Variants in CABIN1 observed in about 807,000 individuals in gnomAD.
CABIN1 encodes calcineurin-binding protein cabin-1.
Under a neutral mutation model 227.7 loss-of-function variants are expected in CABIN1, and 133 were observed. That is an observed-to-expected ratio of 0.58 (90% CI 0.51 to 0.67). CABIN1 has a LOEUF of 0.67. Ranked by LOEUF, CABIN1 falls within the 30% of genes least tolerant of loss-of-function variation. CABIN1 has a pLI of 0.00. For missense variants in CABIN1, 2,408 were observed against 2,852.5 expected (o/e 0.84, Z 3.55); for synonymous variants, 1,086 against 1,155.1 (o/e 0.94, Z 1.21).
intron 28 of CABIN1, among the ~76,000 whole-genome samples, chr22:24,133,753 A>C (rs533444952): frequency 6.6e-6 from 1 of 152,268 alleles, no homozygotes; most frequent in African/African-American, 2.4e-5. Context: ...GCCCCAGAGA[A>C]GGCAGAGGCA....
At chr22:24,069,021 C>G (rs568136426) in intron 16 of CABIN1, among the ~76,000 whole-genome samples, 1 of 152,192 alleles carries the variant, frequency 6.6e-6, no homozygotes, top group East Asian at 1.9e-4. Context: ...GTTTTATTCC[C>G]GCAGTGTTAA....
chr22:24,097,913 G>A (rs762816520), intron 25 of CABIN1, 101 bp from the exon 26 acceptor site: 3 of 1,468,568 alleles, frequency 2.0e-6, no homozygotes, highest in Non-Finnish European at 2.9e-6. Context: ...AGGTGCATGG[G>A]AGCAGTGGGC....
intron 24 of CABIN1, among the ~76,000 whole-genome samples, chr22:24,094,221 C>T (rs537761969): frequency 4.3e-4 from 66 of 152,344 alleles, no homozygotes; most frequent in African/African-American, 1.4e-3. Flanking sequence ...ACTGAACCTA[C>T]GTGTGGCCCT....
chr22:24,028,214 A>G (rs1201097220), intron 1 of CABIN1, among the ~76,000 whole-genome samples: 6 of 152,256 alleles, frequency 3.9e-5, no homozygotes, highest in Admixed American at 1.3e-4. Flanking sequence ...ATGCTCTTGG[A>G]AAAATGACAC....
intron 28 of CABIN1, among the ~76,000 whole-genome samples, chr22:24,121,546 C>T (rs1370755091): frequency 2.6e-5 from 4 of 152,216 alleles, no homozygotes; most frequent in Admixed American, 2.6e-4. Flanking sequence ...TGGACCTTAC[C>T]TCTGTATCCC....
intron 8 of CABIN1, among the ~76,000 whole-genome samples, chr22:24,051,407 G>T (rs1170081569): frequency 6.6e-6 from 1 of 152,076 alleles, no homozygotes; most frequent in African/African-American, 2.4e-5. Context: ...GGGCCACGTG[G>T]GGAGCCCTGC....
chr22:24,156,770 G>T (rs564034917), intron 29 of CABIN1, among the ~76,000 whole-genome samples: 1 of 152,198 alleles, frequency 6.6e-6, no homozygotes, highest in African/African-American at 2.4e-5. Flanking sequence ...TGCATGGGAT[G>T]GGGGGTGGGC....
intron 29 of CABIN1, among the ~76,000 whole-genome samples, chr22:24,142,557 C>G (rs1053537978): frequency 6.6e-6 from 1 of 152,218 alleles, no homozygotes; most frequent in African/African-American, 2.4e-5. Context: ...CCCCTTCTCT[C>G]TCTCCATCCC....
intron 34 of CABIN1, chr22:24,175,733 C>T: frequency 2.9e-6 from 1 of 348,722 alleles, no homozygotes; most frequent in Non-Finnish European, 5.5e-6. Context: ...GACCTCGTTT[C>T]TGAATGCTGC....
At chr22:24,154,456 TAG>T (rs961425395) in intron 29 of CABIN1, among the ~76,000 whole-genome samples, 45 of 152,282 alleles carry the variant, frequency 3.0e-4, no homozygotes, top group African/African-American at 1.0e-3. Flanking sequence ...TGAATGTAGG[TAG>T]ATGGCAAGGG....
At chr22:24,066,921 G>A in intron 15 of CABIN1, 66 bp from the exon 16 acceptor site, 1 of 1,491,406 alleles carries the variant, frequency 6.7e-7, no homozygotes, top group Non-Finnish European at 9.3e-7. Context: ...AACAAACACT[G>A]GCCAGATTTG....
At chr22:24,125,024 G>T (rs751679652) in intron 28 of CABIN1, among the ~76,000 whole-genome samples, 12 of 152,214 alleles carry the variant, frequency 7.9e-5, no homozygotes, top group Non-Finnish European at 1.5e-4. Context: ...GGTCACATCA[G>T]ACAGCATGGG....
At position 24,043,036 on chromosome 22, in the gene CABIN1, T is replaced by C; in HGVS notation, c.478T>C (p.Cys160Arg). 1 of 1,614,104 alleles carries C rather than the reference T, an allele frequency of 6.2e-7. No homozygotes were observed. Reference sequence around the variant, plus strand: ...GCGGTGCAATCCTGACCACTGGCCCTGTTTGGATAACCTAATCACTGTCCT... The same window carrying C: ...GCGGTGCAATCCTGACCACTGGCCCCGTTTGGATAACCTAATCACTGTCCT... Reference protein sequence around the residue: ...GLRCNPDHWPCLDNLITVLYT... With the variant: ...GLRCNPDHWPRLDNLITVLYT... The change falls in exon 6 of 37, where the codon TGT becomes CGT. Residue 160 changes from cysteine to arginine, a missense_variant. Around this residue, in one of 3 missense-constraint regions of CABIN1, gnomAD observed 1,045 missense variants for 1,168.4 expected, o/e 0.89. Coordinates refer to ENST00000263119, the MANE Select transcript of CABIN1 (RefSeq NM_012295.4).
chr22:24,095,071 A>T (rs1204299961), intron 24 of CABIN1, among the ~76,000 whole-genome samples: 1 of 152,194 alleles, frequency 6.6e-6, no homozygotes, highest in African/African-American at 2.4e-5. Flanking sequence ...TGGGCTCCAT[A>T]GGTGGGCTAG....
At chr22:24,080,555 T>G (rs2040741315) in intron 19 of CABIN1, among the ~76,000 whole-genome samples, 1 of 152,250 alleles carries the variant, frequency 6.6e-6, no homozygotes, top group African/African-American at 2.4e-5. Context: ...ATTTAGGTCT[T>G]ATGCTTTCAT....
At chr22:24,099,450 G>A (rs1473638934) in intron 26 of CABIN1, among the ~76,000 whole-genome samples, 1 of 152,156 alleles carries the variant, frequency 6.6e-6, no homozygotes, top group Non-Finnish European at 1.5e-5. Context: ...CCTCCTGGAA[G>A]GTTCATGTCA....
chr22:24,118,282 G>A (rs2043199698), intron 27 of CABIN1, among the ~76,000 whole-genome samples: 1 of 152,158 alleles, frequency 6.6e-6, no homozygotes, highest in African/African-American at 2.4e-5. Flanking sequence ...CTAATAGCAG[G>A]TGGCTGAGGG....
At chr22:24,133,183 G>A (rs1382273442) in intron 28 of CABIN1, among the ~76,000 whole-genome samples, 1 of 152,200 alleles carries the variant, frequency 6.6e-6, no homozygotes, top group East Asian at 1.9e-4. Context: ...TCCCTGCCCA[G>A]TGTTCAGGAG....
At chr22:24,054,490 A>G (rs2038623850) in intron 8 of CABIN1, among the ~76,000 whole-genome samples, 1 of 152,206 alleles carries the variant, frequency 6.6e-6, no homozygotes, top group South Asian at 2.1e-4. Flanking sequence ...GATTCGTGGC[A>G]GCAGGGGAGT....
Sources: allele counts gnomAD v4.1 joint callset (sites outside exome capture counted in the v4.1 genomes callset), GRCh38; gene constraint gnomAD v4.1.1; regional missense constraint gnomAD v4.1.1; transcripts MANE v1.5; gene names NCBI Gene and HGNC (gene_info 2026-07-23, HGNC 2026-07-21).